DUOX2: variants seen among roughly 807,000 people sequenced by gnomAD.
The protein encoded by DUOX2 is dual oxidase 2.
In DUOX2, 185 loss-of-function variants were observed where a neutral mutation model predicts 183.3. The observed-to-expected ratio is 1.01, with a 90% CI of 0.90 to 1.14. The LOEUF (loss-of-function observed/expected upper bound fraction) is 1.14, where lower values mean the gene tolerates loss of function less well. DUOX2 is among the 50% of genes most tolerant of loss of function. DUOX2 has a pLI of 0.00. For synonymous variants in DUOX2, 788 were observed against 812.4 expected (o/e 0.97, Z 0.51); for missense variants, 1,999 against 2,022.9 (o/e 0.99, Z 0.23).
rs977450051 is a variant in DUOX2 at position 45,095,857 on chromosome 15, T to C, written c.4051A>G (p.Lys1351Glu). The change falls in exon 30 of 34, where the codon AAG (lysine) becomes GAG (glutamate). Residue 1351 changes from lysine to glutamate, a missense_variant. Around this residue, in one of 3 missense-constraint regions of DUOX2, gnomAD observed 1,628 missense variants for 1,608.6 expected, o/e 1.01. Coordinates refer to ENST00000389039, the MANE Select transcript of DUOX2 (RefSeq NM_001363711.2). Reference protein sequence around the residue: ...TRLREIYSSPKGNGCAGYPKL... With the variant: ...TRLREIYSSPEGNGCAGYPKL... ...GGGTATCCAGCACAGCCATTGCCCT[T>C]TGGGGATGAGTAGATCTCCCTGAGG... 1.2e-6 allele frequency: 2 copies of C among 1,613,924 alleles called. No individual in the cohort carries two copies. The highest frequency in any genetic ancestry group is 1.7e-6 in the Non-Finnish European group (2 of 1,180,024).
rs1270534510 is a variant in DUOX2, at chr15:45,105,947, T to G, written c.2149-119A>C. ...AAAACTCCTCCCCATCCATCCAGGC[T>G]GGGGCCAGGTGTGTGGACGAAGGGG... On this transcript the variant is annotated intron_variant, in intron 17 of 33. Coordinates refer to ENST00000389039, the MANE Select transcript of DUOX2 (RefSeq NM_001363711.2). 4.8e-6 allele frequency: 7 copies of G among 1,445,376 alleles called. No homozygotes were observed. In the East Asian group the frequency reaches 1.7e-4, roughly 35 times the overall value. 89.5% of individuals were successfully genotyped at this position (1,445,376 alleles called of 1,614,324 possible).
At chr15:45,103,885 C>G (rs1894144824) in intron 20 of DUOX2, 75 bp downstream of exon 20, 1 of 1,509,058 alleles carries the variant, frequency 6.6e-7, no homozygotes, top group Non-Finnish European at 9.2e-7. Flanking sequence ...CTTTGCCAGC[C>G]CTCCTCTGAC....
At chr15:45,102,093 A>G (rs1894099167) in intron 20 of DUOX2, 104 bp from the exon 21 acceptor site, 4 of 1,434,988 alleles carry the variant, frequency 2.8e-6, no homozygotes, top group Non-Finnish European at 3.8e-6. Context: ...GTTACCAGTG[A>G]CCCGGGAAAT....
intron 4 of DUOX2, 21 bp from the exon 5 acceptor site, chr15:45,111,976 T>C (rs1236096868): frequency 2.5e-6 from 4 of 1,612,200 alleles, no homozygotes; most frequent in Non-Finnish European, 3.4e-6. Flanking sequence ...GGGGCGCCAA[T>C]ACGTGACAAA....
Position 45,094,546 on chromosome 15 carries a change from G to C in DUOX2, c.4524+17C>G. The C allele has an allele frequency of 6.2e-7, 1 of 1,609,618 alleles. No individual in the cohort carries two copies. Among genetic ancestry groups the C allele is most frequent in the Non-Finnish European group, 8.5e-7 (1 of 1,178,128 alleles). ...GGAGAAGGCCAGAGTCCCAGGGTGG[G>C]AGGGAGTGGGACTGACCTGTGGGTG... On this transcript the variant is annotated intron_variant, in intron 33 of 33. Coordinates refer to ENST00000389039, the MANE Select transcript of DUOX2 (RefSeq NM_001363711.2).
Position 45,106,565 on chromosome 15 carries a change from C to A in DUOX2, c.1908G>T (p.Glu636Asp). 1 of 1,614,216 alleles carries A rather than the reference C, an allele frequency of 6.2e-7. No homozygotes were observed. The highest frequency in any genetic ancestry group is 8.5e-7 in the Non-Finnish European group (1 of 1,180,034). Residue 636 changes from glutamate (E) to aspartate (D), a missense_variant, in exon 16 of 34, where the codon GAG (glutamate) becomes GAT (aspartate). Glu to Asp is a conservative substitution (Grantham distance 45). Transcript: ENST00000389039. ...EHKKLQKKLK[E>D]SVKKEAAKDG... ...CTTTGGCTGCTTCCTTCTTCACGCT[C>A]TCTTTGAGTTTCTTTTGTAGCTTCT...
chr15:45,095,440 C>T lies in DUOX2; in HGVS notation c.4236G>A (p.Lys1412=). Residue 1412 remains lysine, a synonymous_variant, in exon 31 of 34, where the codon AAG becomes AAA. Transcript: ENST00000389039. ...KSSLGSQMLC[K]KIYFIWVTRT... ...TGAATGAGGGAGGGATGCTCACCTT[C>T]TTACACAGCATTTGGCTGCCCAAGG... The T allele has an allele frequency of 6.2e-7, 1 of 1,614,220 alleles. No individual in the cohort carries two copies. Among genetic ancestry groups the T allele is most frequent in the Non-Finnish European group, 8.5e-7 (1 of 1,180,046 alleles).
chr15:45,101,824 G>C lies in DUOX2; in HGVS notation c.2820C>G (p.Leu940=), dbSNP rs1164110739. ...DHDSELRFTQ[L]CVKGGGGGGN... is the part of the protein sequence containing the mutation. ...CACCTCCACCTCCACCTTTGACACAGAGCTGCGTGAAGCGGAGCTCGCTGT... is the reference window on the plus strand; with the variant it reads ...CACCTCCACCTCCACCTTTGACACACAGCTGCGTGAAGCGGAGCTCGCTGT... The change falls in exon 21 of 34, where the codon CTC becomes CTG. Residue 940 remains leucine (L), a synonymous_variant. Coordinates refer to ENST00000389039, the MANE Select transcript of DUOX2 (RefSeq NM_001363711.2). 7.4e-6 allele frequency: 12 copies of C among 1,614,028 alleles called. No homozygotes were observed. The highest frequency in any genetic ancestry group is 1.6e-4 in the Middle Eastern group (1 of 6,084).
chr15:45,108,915 G>A lies in DUOX2; in HGVS notation c.1272C>T (p.Asp424=), dbSNP rs1894303300. 1.9e-6 allele frequency: 3 copies of A among 1,614,230 alleles called. No homozygotes were observed. The highest frequency in any genetic ancestry group is 2.5e-6 in the Non-Finnish European group (3 of 1,180,048). ...WPGPGKFSRT[D]YVASSIQRGR... ...CACGTTGGATGCTGCTGGCCACATAGTCTGTACGGGAGAATTTGCCAGGGC... is the reference window on the plus strand; with the variant it reads ...CACGTTGGATGCTGCTGGCCACATAATCTGTACGGGAGAATTTGCCAGGGC... The change falls in exon 12 of 34, where the codon GAC becomes GAT. Residue 424 remains aspartate (D), a synonymous_variant. Transcript: ENST00000389039.
At position 45,113,990 on chromosome 15, in the gene DUOX2, G is replaced by T. The variant is rs1177950547; in HGVS notation, c.-32C>A. Reference sequence around the variant, plus strand: ...GGTCTAACCTGTGGTTTAGGGTGGTGTTGGGTTCAGATGTCTTCTTTCCTC... The same window carrying T: ...GGTCTAACCTGTGGTTTAGGGTGGTTTTGGGTTCAGATGTCTTCTTTCCTC... On this transcript the variant is annotated 5_prime_UTR_variant, in exon 1 of 34. Transcript: ENST00000389039. The T allele has an allele frequency of 5.3e-6, 1 of 190,292 alleles. No individual in the cohort carries two copies. Among genetic ancestry groups the T allele is most frequent in the African/African-American group, 2.3e-5 (1 of 42,636 alleles). The allele number at this position is 190,292 out of a possible 1,614,324, so 11.8% of individuals were successfully genotyped here. A position where few individuals can be genotyped will look rare whatever the true frequency, so the allele number is the denominator to read the frequency against.
intron 26 of DUOX2, among the ~76,000 whole-genome samples, 163 bp from the exon 27 acceptor site, chr15:45,098,221 C>T (rs1056033887): frequency 6.6e-6 from 1 of 152,212 alleles, no homozygotes; most frequent in Non-Finnish European, 1.5e-5. Flanking sequence ...CCCAGGCTTC[C>T]ATGGTTCCAC....
chr15:45,111,839 C>A lies in DUOX2; in HGVS notation c.442G>T (p.Val148Leu), dbSNP rs764043878. 3.7e-6 allele frequency: 6 copies of A among 1,613,318 alleles called. No individual in the cohort carries two copies. The South Asian group carries it at 6.6e-5, about 18-fold the overall frequency. ...CGGCTCCTCTGGAAGGGCAGCACCA[C>A]GTCCCCGCGCTGGTCGGGGTCGAAC... ...PVFDPDQRGDVVLPFQRSRWD... is the reference protein window; with the variant it reads ...PVFDPDQRGDLVLPFQRSRWD... The change falls in exon 5 of 34, where the codon GTG becomes TTG. Residue 148 changes from valine to leucine, a missense_variant. Val to Leu is a conservative substitution (Grantham distance 32). Coordinates refer to ENST00000389039, the MANE Select transcript of DUOX2 (RefSeq NM_001363711.2).
intron 1 of DUOX2, 68 bp from the exon 2 acceptor site, chr15:45,113,493 C>G: frequency 1.6e-6 from 2 of 1,227,250 alleles, no homozygotes; most frequent in Non-Finnish European, 1.2e-6. Flanking sequence ...TCTATGCCTC[C>G]CCTCTTGTTC....
At chr15:45,106,730 T>G in intron 15 of DUOX2, 89 bp from the exon 16 acceptor site, 1 of 1,609,764 alleles carries the variant, frequency 6.2e-7, no homozygotes. Context: ...CTTCCAGAGG[T>G]TCCTTGAGCC....
chr15:45,110,636 C>A lies in DUOX2; in HGVS notation c.943+14G>T. ...GATTCTCCGCACAGGTGTCCTCCTT[C>A]CCCGCTCCCTCACCTGTATACTCCG... On this transcript the variant is annotated intron_variant, in intron 8 of 33. Transcript: ENST00000389039. 1.1e-5 allele frequency: 18 copies of A among 1,613,362 alleles called. No individual in the cohort carries two copies. The highest frequency in any genetic ancestry group is 1.5e-5 in the Non-Finnish European group (18 of 1,180,018).
intron 17 of DUOX2, 130 bp from the exon 18 acceptor site, chr15:45,105,958 G>A: frequency 7.1e-7 from 1 of 1,408,292 alleles, no homozygotes; most frequent in Non-Finnish European, 9.8e-7. Flanking sequence ...GGGGCCAGGT[G>A]TGTGGACGAA....
intron 28 of DUOX2, 108 bp from the exon 29 acceptor site, chr15:45,097,499 G>A (rs1481696277): frequency 1.9e-6 from 3 of 1,612,096 alleles, no homozygotes; most frequent in African/African-American, 1.3e-5. Flanking sequence ...CTGAGGTCTG[G>A]GGTCTTAAAT....
At chr15:45,096,185 G>A (rs1893896185) in intron 29 of DUOX2, 125 bp from the exon 30 acceptor site, 3 of 773,798 alleles carry the variant, frequency 3.9e-6, no homozygotes, top group African/African-American at 1.7e-5. Flanking sequence ...CTGAGCAAGC[G>A]GGGCTCCTGG....
intron 22 of DUOX2, 169 bp from the exon 23 acceptor site, chr15:45,101,007 C>T (rs1566973353): frequency 1.4e-6 from 1 of 694,746 alleles, no homozygotes; most frequent in South Asian, 1.7e-5. Flanking sequence ...ATGATTCTGG[C>T]CTGGAGCAGC....
Sources: allele counts gnomAD v4.1 joint callset (sites outside exome capture counted in the v4.1 genomes callset), GRCh38; gene constraint gnomAD v4.1.1; regional missense constraint gnomAD v4.1.1; transcripts MANE v1.5; gene names NCBI Gene and HGNC (gene_info 2026-07-23, HGNC 2026-07-21).